CHST9: variants seen among roughly 807,000 people sequenced by gnomAD.
CHST9 encodes the protein carbohydrate sulfotransferase 9, also known as GalNAc-4-sulfotransferase 2.
In CHST9, 41 loss-of-function variants were observed where a neutral mutation model predicts 44.4. The ratio of observed to expected loss-of-function variants is 0.92; its 90% CI spans 0.72 to 1.20. CHST9 has a LOEUF of 1.20. CHST9 is among the 50% of genes most tolerant of loss of function. CHST9 has a pLI of 0.00. For synonymous variants in CHST9, 171 were observed against 178.4 expected (o/e 0.96, Z 0.33); for missense variants, 504 against 516.5 (o/e 0.98, Z 0.23).
chr18:27,059,296 G>A (rs917122029), intron 2 of CHST9, among the ~76,000 whole-genome samples: 4 of 152,074 alleles, frequency 2.6e-5, no homozygotes, highest in East Asian at 1.9e-4. Context: ...TCTAGGCTTC[G>A]AAAACTTTAC....
chr18:27,083,180 A>G (rs1299541615), intron 2 of CHST9, among the ~76,000 whole-genome samples: 5 of 152,120 alleles, frequency 3.3e-5, no homozygotes, highest in Non-Finnish European at 7.4e-5. Context: ...CTCCTATTTA[A>G]CTCACATTAA....
At chr18:27,171,264 G>A (rs1321231413) in intron 1 of CHST9, among the ~76,000 whole-genome samples, 1 of 152,176 alleles carries the variant, frequency 6.6e-6, no homozygotes, top group Non-Finnish European at 1.5e-5. Context: ...TTATGAACTA[G>A]AGGCGCAGGC....
intron 4 of CHST9, among the ~76,000 whole-genome samples, chr18:26,975,764 T>A (rs1204354376): frequency 1.5e-5 from 2 of 136,204 alleles, no homozygotes; most frequent in African/African-American, 5.4e-5. Flanking sequence ...TATATATATA[T>A]AACATTTTCT....
chr18:26,967,490 T>C (rs145501623), intron 4 of CHST9, among the ~76,000 whole-genome samples: 27 of 152,386 alleles, frequency 1.8e-4, no homozygotes, highest in African/African-American at 6.5e-4. Flanking sequence ...AATAACTGCA[T>C]TGTATTCTAC....
chr18:27,109,477 G>A (rs1244368939), intron 2 of CHST9, among the ~76,000 whole-genome samples: 4 of 152,254 alleles, frequency 2.6e-5, no homozygotes, highest in South Asian at 2.1e-4. Flanking sequence ...CTGCTGTCTT[G>A]AGCGTAGAGA....
chr18:26,984,282 C>CA (rs1377073656), intron 4 of CHST9, among the ~76,000 whole-genome samples: 1 of 152,148 alleles, frequency 6.6e-6, no homozygotes, highest in Non-Finnish European at 1.5e-5. Context: ...AGTTCTAACT[C>CA]AAAAGAGATA....
chr18:26,952,341 G>A (rs780610300), intron 4 of CHST9: 14 of 500,272 alleles, frequency 2.8e-5, no homozygotes, highest in Non-Finnish European at 5.6e-5. Flanking sequence ...TATGTCCTCA[G>A]GCAGGTAGGA....
rs2055421935 is a variant in CHST9 at position 26,910,196 on chromosome 18, C to T, written c.*6063G>A. 6.6e-6 allele frequency: 1 copy of T among 152,070 alleles called. No individual in the cohort carries two copies. The highest frequency in any genetic ancestry group is 6.6e-5 in the Admixed American group (1 of 15,256). The allele number at this position is 152,070 out of a possible 1,614,324, so 9.4% of individuals were successfully genotyped here. On this transcript the variant is annotated 3_prime_UTR_variant, in exon 6 of 6. Transcript: ENST00000618847. ...CCAAAAAAAGGTACTGGATTTCTCC[C>T]AACATCTTTGTCATTGGTCAAAAGA...
chr18:26,973,583 T>G (rs2056580818), intron 4 of CHST9, among the ~76,000 whole-genome samples: 1 of 152,164 alleles, frequency 6.6e-6, no homozygotes, highest in South Asian at 2.1e-4. Flanking sequence ...TGACATTATG[T>G]TTTTTTGCAA....
chr18:27,041,376 C>T (rs2057442729), intron 3 of CHST9, among the ~76,000 whole-genome samples: 1 of 152,100 alleles, frequency 6.6e-6, no homozygotes. Flanking sequence ...GTAAAAGAAA[C>T]ACATACATGT....
At chr18:27,128,859 G>T (rs1490979642) in intron 2 of CHST9, among the ~76,000 whole-genome samples, 1 of 152,172 alleles carries the variant, frequency 6.6e-6, no homozygotes, top group Non-Finnish European at 1.5e-5. Context: ...CTACACCAAA[G>T]ATCTGATACA....
chr18:27,178,189 C>T (rs1052019194), intron 1 of CHST9, among the ~76,000 whole-genome samples: 2 of 151,970 alleles, frequency 1.3e-5, no homozygotes, highest in African/African-American at 4.8e-5. Flanking sequence ...TCCTCTTTGT[C>T]GGAAAAGCTG....
At chr18:27,183,275 C>T (rs1398064647) in intron 1 of CHST9, among the ~76,000 whole-genome samples, 1 of 152,136 alleles carries the variant, frequency 6.6e-6, no homozygotes, top group African/African-American at 2.4e-5. Flanking sequence ...CTTGAGTCAA[C>T]ATTGGATACC....
chr18:27,134,340 A>G (rs999184095), intron 2 of CHST9, among the ~76,000 whole-genome samples: 7 of 152,214 alleles, frequency 4.6e-5, no homozygotes, highest in African/African-American at 1.7e-4. Context: ...AGAATCAATT[A>G]TCTGAGAAAA....
chr18:26,942,981 G>A (rs939507154), intron 5 of CHST9, among the ~76,000 whole-genome samples: 1 of 152,058 alleles, frequency 6.6e-6, no homozygotes, highest in Admixed American at 6.6e-5. Flanking sequence ...GGTGGCACAC[G>A]CCTGTAGTCT....
chr18:27,029,660 G>A (rs1347535349), intron 3 of CHST9, among the ~76,000 whole-genome samples: 1 of 152,118 alleles, frequency 6.6e-6, no homozygotes, highest in Admixed American at 6.5e-5. Context: ...CATCTCTGGA[G>A]TATTTATAAC....
At chr18:27,004,452 C>G (rs16943156) in intron 4 of CHST9, among the ~76,000 whole-genome samples, 23,853 of 151,898 alleles carry the variant, frequency 0.16, 2,074 homozygotes, top group East Asian at 0.26. Context: ...AAATTGTGCC[C>G]ACTTTTAATG....
chr18:27,046,273 C>G (rs2057498740), intron 3 of CHST9, among the ~76,000 whole-genome samples: 1 of 152,014 alleles, frequency 6.6e-6, no homozygotes, highest in Admixed American at 6.6e-5. Context: ...TAGTGCAAGA[C>G]TCTTTAAACA....
chr18:27,000,511 G>A (rs2056936195), intron 4 of CHST9, among the ~76,000 whole-genome samples: 1 of 152,182 alleles, frequency 6.6e-6, no homozygotes, highest in African/African-American at 2.4e-5. Flanking sequence ...CAAGTGATAT[G>A]TGACGTGGAA....
Sources: allele counts gnomAD v4.1 joint callset (sites outside exome capture counted in the v4.1 genomes callset), GRCh38; gene constraint gnomAD v4.1.1; transcripts MANE v1.5; gene names NCBI Gene and HGNC (gene_info 2026-07-23, HGNC 2026-07-21).